FBXL13: variants seen among roughly 807,000 people sequenced by gnomAD.
FBXL13 encodes F-box and leucine-rich repeat protein 13.
In FBXL13, 67 loss-of-function variants were observed where a neutral mutation model predicts 83.6. That is an observed-to-expected ratio of 0.80 (90% CI 0.66 to 0.98). The LOEUF (loss-of-function observed/expected upper bound fraction) is 0.98, where lower values mean the gene tolerates loss of function less well. FBXL13 is among the 50% of genes least tolerant of loss of function. The pLI is 0.00. For synonymous variants in FBXL13, 272 were observed against 299.5 expected, an observed-to-expected ratio of 0.91 and a Z score of 0.95; for missense variants, 822 against 866.5, an observed-to-expected ratio of 0.95 and a Z score of 0.64.
At chr7:102,915,784 T>G (rs1164807358) in intron 10 of FBXL13, among the ~76,000 whole-genome samples, 1 of 152,210 alleles carries the variant, frequency 6.6e-6, no homozygotes, top group African/African-American at 2.4e-5. Flanking sequence ...ATTAACATAT[T>G]AAGTAAGATT....
rs2129480734 is a variant in FBXL13 at position 102,967,644 on chromosome 7, C to T, written c.591+378G>A. 2.6e-5 allele frequency among the ~76,000 whole-genome samples: 4 copies of T among 152,302 alleles called. No homozygotes were observed. The Middle Eastern group carries it at 0.014, about 518-fold the overall frequency. Reference sequence around the variant, plus strand: ...TATGAAAAGGCCATTGCACACCTCACACCCTAAACATCTTTCCCATGGTCA... The same window carrying T: ...TATGAAAAGGCCATTGCACACCTCATACCCTAAACATCTTTCCCATGGTCA... On this transcript the variant is annotated intron_variant, in intron 7 of 19. Transcript: ENST00000313221.
At chr7:102,978,787 A>C (rs1273302000) in intron 6 of FBXL13, 1 of 152,890 alleles carries the variant, frequency 6.5e-6, no homozygotes, top group African/African-American at 2.4e-5. Context: ...GGGTGACTAC[A>C]TAATAATTAA....
At chr7:103,073,228 AC>A (rs1337754223) in intron 1 of FBXL13, among the ~76,000 whole-genome samples, 2 of 152,260 alleles carry the variant, frequency 1.3e-5, no homozygotes, top group Admixed American at 6.5e-5. Flanking sequence ...ACATATATGT[AC>A]ATAAACACAT....
intron 6 of FBXL13, among the ~76,000 whole-genome samples, chr7:103,018,432 C>G (rs999365220): frequency 2.0e-5 from 3 of 152,270 alleles, no homozygotes; most frequent in Admixed American, 2.0e-4. Context: ...AGCAAAATAA[C>G]CAGCTAACAT....
chr7:102,922,148 C>CCTG (rs1817168263), intron 10 of FBXL13, among the ~76,000 whole-genome samples: 1 of 151,396 alleles, frequency 6.6e-6, no homozygotes, highest in African/African-American at 2.4e-5. Context: ...TGAGGTCGTG[C>CCTG]CACTGCATTC....
chr7:102,950,783 A>G (rs755906220), intron 8 of FBXL13, among the ~76,000 whole-genome samples: 6 of 152,230 alleles, frequency 3.9e-5, no homozygotes, highest in Admixed American at 3.3e-4. Context: ...GATTCCAACT[A>G]TATGACATTC....
At chr7:102,821,734 G>A (rs75111341) in intron 19 of FBXL13, among the ~76,000 whole-genome samples, 4,201 of 152,218 alleles carry the variant, frequency 0.028, 88 homozygotes, top group Non-Finnish European at 0.037. Context: ...TGCTCTAGGG[G>A]AGATTAACTG....
intron 10 of FBXL13, among the ~76,000 whole-genome samples, chr7:102,924,032 G>C (rs964656446): frequency 3.3e-5 from 5 of 151,986 alleles, no homozygotes; most frequent in African/African-American, 1.2e-4. Context: ...CTAAGGTCAG[G>C]AGTTTGAGGC....
chr7:103,062,611 A>C (rs1385557189), intron 1 of FBXL13, among the ~76,000 whole-genome samples: 2 of 152,116 alleles, frequency 1.3e-5, no homozygotes, highest in Non-Finnish European at 2.9e-5. Context: ...AAAAAAAAAA[A>C]ACCTCTGAAT....
chr7:103,013,488 A>G lies in FBXL13; in HGVS notation c.495+11575T>C, dbSNP rs183162199. ...AATTAATGCTAAGAATATCAATCAA[A>G]AGCATACAATTACATGGAAATTAAA... is the stretch of plus-strand genomic sequence containing the variant. On this transcript the variant is annotated intron_variant, in intron 6 of 19. Coordinates refer to ENST00000313221, the Ensembl canonical transcript of FBXL13. Among the ~76,000 whole-genome samples, 22 of 152,336 alleles carry G rather than the reference A, an allele frequency of 1.4e-4. No individual in the cohort carries two copies. The East Asian group carries it at 4.0e-3, about 28-fold the overall frequency.
chr7:103,029,323 G>A (rs1794265586), intron 3 of FBXL13, 28 bp downstream of exon 4: 3 of 1,403,548 alleles, frequency 2.1e-6, no homozygotes, highest in Non-Finnish European at 2.9e-6. Context: ...ACTCAAAGAG[G>A]AAGAAATTGT....
chr7:102,979,209 T>C (rs1177037901), intron 6 of FBXL13, among the ~76,000 whole-genome samples: 2 of 152,202 alleles, frequency 1.3e-5, no homozygotes, highest in Admixed American at 6.5e-5. Flanking sequence ...CAGCCTGGAT[T>C]AGTCAAGATT....
intron 2 of FBXL13, among the ~76,000 whole-genome samples, chr7:103,040,927 G>C (rs1005497721): frequency 2.6e-4 from 39 of 152,050 alleles, no homozygotes; most frequent in African/African-American, 8.7e-4. Context: ...AACTAGAGAA[G>C]CAAGAGCAAA....
chr7:102,837,908 T>C (rs1802280206), intron 17 of FBXL13, among the ~76,000 whole-genome samples: 1 of 152,238 alleles, frequency 6.6e-6, no homozygotes, highest in Admixed American at 6.5e-5. Context: ...GCATTGACTG[T>C]AACTTCTTGA....
chr7:102,903,265 T>A (rs548509772), intron 11 of FBXL13, among the ~76,000 whole-genome samples: 173 of 152,300 alleles, frequency 1.1e-3, no homozygotes, highest in Non-Finnish European at 1.7e-3. Flanking sequence ...GTAGGTCAAT[T>A]TTTTATCCTG....
intron 17 of FBXL13, among the ~76,000 whole-genome samples, chr7:102,835,054 A>T (rs888137886): frequency 5.3e-5 from 8 of 152,234 alleles, no homozygotes; most frequent in Non-Finnish European, 7.3e-5. Flanking sequence ...AGATGCACAA[A>T]TGTATTGTAC....
intron 16 of FBXL13, among the ~76,000 whole-genome samples, chr7:102,866,883 T>G (rs1296813681): frequency 6.6e-6 from 1 of 152,252 alleles, no homozygotes; most frequent in Non-Finnish European, 1.5e-5. Context: ...GGGATGGTCC[T>G]GTCTCTGCTC....
intron 11 of FBXL13, among the ~76,000 whole-genome samples, chr7:102,897,399 C>T (rs962719944): frequency 2.6e-5 from 4 of 151,220 alleles, no homozygotes; most frequent in South Asian, 2.1e-4. Flanking sequence ...ATCTATAGCA[C>T]GATATAATTT....
At chr7:103,014,550 C>T (rs1245938536) in intron 6 of FBXL13, among the ~76,000 whole-genome samples, 1 of 152,120 alleles carries the variant, frequency 6.6e-6, no homozygotes, top group Non-Finnish European at 1.5e-5. Context: ...GATACCAAAA[C>T]CTGGCAGAGA....
Sources: gnomAD v4.1 joint callset for allele counts (sites outside exome capture counted in the v4.1 genomes callset) on GRCh38, gnomAD v4.1.1 for gene constraint, MANE v1.5 for transcripts, NCBI Gene and HGNC (gene_info 2026-07-23, HGNC 2026-07-21) for gene names.